AFG2A: variants seen among roughly 807,000 people sequenced by gnomAD.
AFG2A encodes AAA ATPase AFG2A.
At chr4:123,056,308 T>C in the AFG2A span, 3 of 1,351,932 alleles carry the variant, frequency 2.2e-6, no homozygotes, top group Non-Finnish European at 2.0e-6. Context: ...CTTTTGTGTA[T>C]ATTTTTTCTA....
chr4:123,207,793 A>G, the AFG2A span, among the ~76,000 whole-genome samples: 1 of 152,228 alleles, frequency 6.6e-6, no homozygotes, highest in Non-Finnish European at 1.5e-5. Context: ...AATCTAAATA[A>G]ATGGAAAGAT....
At chr4:123,249,113 A>T in the AFG2A span, among the ~76,000 whole-genome samples, 1 of 152,214 alleles carries the variant, frequency 6.6e-6, no homozygotes, top group African/African-American at 2.4e-5. Flanking sequence ...TTGTATGCCA[A>T]ATTACAAGTT....
the AFG2A span, among the ~76,000 whole-genome samples, chr4:123,183,437 G>A: frequency 2.0e-5 from 3 of 152,062 alleles, no homozygotes; most frequent in Non-Finnish European, 4.4e-5. Flanking sequence ...ATTTTAAATA[G>A]AATTCTTTAA....
At chr4:123,221,097 A>AT in the AFG2A span, among the ~76,000 whole-genome samples, 1 of 152,112 alleles carries the variant, frequency 6.6e-6, no homozygotes, top group Non-Finnish European at 1.5e-5. Flanking sequence ...AGCACCTGAA[A>AT]TGTGGCTTTT....
chr4:122,927,174 A>G, the AFG2A span, among the ~76,000 whole-genome samples: 2 of 152,200 alleles, frequency 1.3e-5, no homozygotes, highest in Admixed American at 6.5e-5. Context: ...CTCTTTACGT[A>G]TTCTTGGTAA....
the AFG2A span, among the ~76,000 whole-genome samples, chr4:123,163,929 G>A: frequency 6.6e-6 from 1 of 152,204 alleles, no homozygotes; most frequent in Non-Finnish European, 1.5e-5. Flanking sequence ...TCAAGAGGGT[G>A]TAGTGATCAG....
At chr4:122,926,458 C>T in the AFG2A span, among the ~76,000 whole-genome samples, 3 of 152,206 alleles carry the variant, frequency 2.0e-5, no homozygotes, top group Non-Finnish European at 2.9e-5. Context: ...TCGTTTTATA[C>T]TCAGTGCTGT....
At chr4:123,312,262 G>C in the AFG2A span, among the ~76,000 whole-genome samples, 1 of 152,176 alleles carries the variant, frequency 6.6e-6, no homozygotes, top group Non-Finnish European at 1.5e-5. Context: ...TCTATTCTCT[G>C]AGGGAGTCTC....
the AFG2A span, among the ~76,000 whole-genome samples, chr4:123,199,868 T>C: frequency 1.3e-5 from 2 of 151,996 alleles, no homozygotes; most frequent in Non-Finnish European, 2.9e-5. Context: ...TATAAAAATA[T>C]CTGCTTTCAT....
the AFG2A span, among the ~76,000 whole-genome samples, chr4:123,170,997 T>C: frequency 1.3e-5 from 2 of 152,168 alleles, no homozygotes; most frequent in African/African-American, 4.8e-5. Flanking sequence ...GTTAGAACGG[T>C]ACCTCATAGT....
chr4:123,164,415 G>A, the AFG2A span, among the ~76,000 whole-genome samples: 1 of 152,254 alleles, frequency 6.6e-6, no homozygotes, highest in Non-Finnish European at 1.5e-5. Flanking sequence ...CCAGGCTGGA[G>A]TGCAGTGACA....
chr4:123,013,128 T>C, the AFG2A span, among the ~76,000 whole-genome samples: 57 of 152,114 alleles, frequency 3.7e-4, 1 homozygote, highest in East Asian at 0.01. Flanking sequence ...AAGGGGGTTG[T>C]TCTCTGGCTG....
chr4:123,199,099 T>G, the AFG2A span, among the ~76,000 whole-genome samples: 1 of 152,170 alleles, frequency 6.6e-6, no homozygotes, highest in Non-Finnish European at 1.5e-5. Flanking sequence ...GAATTCATAC[T>G]TAACCTCTTT....
At chr4:122,978,402 A>G in the AFG2A span, among the ~76,000 whole-genome samples, 1 of 152,208 alleles carries the variant, frequency 6.6e-6, no homozygotes, top group East Asian at 1.9e-4. Flanking sequence ...CATCCCAGTG[A>G]GTCTGGCTGA....
chr4:122,970,988 A>G, the AFG2A span, among the ~76,000 whole-genome samples: 1 of 152,092 alleles, frequency 6.6e-6, no homozygotes, highest in East Asian at 1.9e-4. Flanking sequence ...GGGTTTCACT[A>G]TGTTGGCAAG....
the AFG2A span, among the ~76,000 whole-genome samples, chr4:122,949,094 A>G: frequency 3.3e-5 from 5 of 152,344 alleles, no homozygotes; most frequent in Non-Finnish European, 7.3e-5. Flanking sequence ...TAAGGCCTGC[A>G]TGGCCTGGGT....
At chr4:122,942,766 G>A in the AFG2A span, among the ~76,000 whole-genome samples, 564 of 150,850 alleles carry the variant, frequency 3.7e-3, 1 homozygote, top group African/African-American at 0.013. Context: ...TCTCTTGTGG[G>A]CATTTAGTGC....
At chr4:122,974,270 A>C in the AFG2A span, among the ~76,000 whole-genome samples, 2 of 152,218 alleles carry the variant, frequency 1.3e-5, no homozygotes, top group African/African-American at 2.4e-5. Context: ...TGATATAAAA[A>C]AAAGTGGCAG....
the AFG2A span, among the ~76,000 whole-genome samples, chr4:122,996,709 A>C: frequency 6.6e-6 from 1 of 152,228 alleles, no homozygotes; most frequent in African/African-American, 2.4e-5. Context: ...CTGGAGATGT[A>C]GGGAAGCCTG....
Sources: allele counts gnomAD v4.1 joint callset (sites outside exome capture counted in the v4.1 genomes callset), GRCh38; gene constraint gnomAD v4.1.1; transcripts MANE v1.5; gene names NCBI Gene and HGNC (gene_info 2026-07-23, HGNC 2026-07-21).